Variants in KCNIP4 observed in about 807,000 individuals in gnomAD.
The protein encoded by KCNIP4 is potassium voltage-gated channel interacting protein 4.
A neutral mutation model predicts 34.0 loss-of-function variants in KCNIP4; 12 were observed. The ratio of observed to expected loss-of-function variants is 0.35; its 90% CI spans 0.23 to 0.57. The LOEUF (loss-of-function observed/expected upper bound fraction) is 0.57. Ranked by LOEUF, KCNIP4 falls within the 20% of genes least tolerant of loss-of-function variation. The pLI is 0.83. For missense variants in KCNIP4, 238 were observed against 311.7 expected (o/e 0.76, Z 1.78); for synonymous variants, 124 against 102.2 (o/e 1.21, Z -1.29).
At chr4:21,610,913 C>T (rs1744108856) in intron 1 of KCNIP4, among the ~76,000 whole-genome samples, 1 of 152,000 alleles carries the variant, frequency 6.6e-6, no homozygotes, top group Non-Finnish European at 1.5e-5. Context: ...TGATTTGCTG[C>T]ACCCATCAAC....
chr4:21,005,400 G>A (rs1738470177), intron 1 of KCNIP4, among the ~76,000 whole-genome samples: 1 of 152,118 alleles, frequency 6.6e-6, no homozygotes. Flanking sequence ...AGTAATCATT[G>A]GGGCCTTCTC....
chr4:21,129,209 C>T (rs1160111812), intron 1 of KCNIP4, among the ~76,000 whole-genome samples: 2 of 152,232 alleles, frequency 1.3e-5, no homozygotes, highest in Non-Finnish European at 2.9e-5. Context: ...TTTGCTCCTC[C>T]TTTGCCTTCC....
At chr4:21,607,002 C>T (rs1743743132) in intron 1 of KCNIP4, among the ~76,000 whole-genome samples, 1 of 151,932 alleles carries the variant, frequency 6.6e-6, no homozygotes, top group African/African-American at 2.4e-5. Flanking sequence ...GAAAATCTGC[C>T]TATCTTAATG....
intron 1 of KCNIP4, among the ~76,000 whole-genome samples, chr4:21,212,347 C>T (rs1757274790): frequency 6.6e-6 from 1 of 152,132 alleles, no homozygotes. Flanking sequence ...CATTTGCACT[C>T]AAAAAGATTA....
intron 1 of KCNIP4, among the ~76,000 whole-genome samples, chr4:20,897,282 A>G (rs768919782): frequency 1.3e-5 from 2 of 151,570 alleles, no homozygotes; most frequent in Non-Finnish European, 2.9e-5. Context: ...TTTTCCTCTA[A>G]TTTCTTTCCT....
At chr4:21,842,962 A>C (rs959904820) in intron 1 of KCNIP4, among the ~76,000 whole-genome samples, 12 of 152,116 alleles carry the variant, frequency 7.9e-5, no homozygotes, top group African/African-American at 2.9e-4. Flanking sequence ...GTATATGGCA[A>C]ATAATAAGTG....
chr4:21,923,414 T>A (rs994773371), intron 1 of KCNIP4, among the ~76,000 whole-genome samples: 2 of 152,112 alleles, frequency 1.3e-5, no homozygotes, highest in Non-Finnish European at 2.9e-5. Context: ...AAACCCTGTC[T>A]CTATTAAAAA....
At chr4:21,884,211 G>A (rs1403199497) in intron 1 of KCNIP4, among the ~76,000 whole-genome samples, 8 of 152,050 alleles carry the variant, frequency 5.3e-5, no homozygotes, top group Non-Finnish European at 1.0e-4. Flanking sequence ...ATTTGCTGGC[G>A]GCATAATGGC....
rs1175777452 is a variant in KCNIP4 at position 21,354,475 on chromosome 4, C to CA, written c.62-471767dup. On this transcript the variant is annotated intron_variant, in intron 1 of 8. Transcript: ENST00000382152. ...GAAGACCTACCAAGCAAATAGAAAG[C>CA]AAAAAAAGCATGGGTTGTAATCCTA... Among the ~76,000 whole-genome samples the CA allele has an allele frequency of 6.6e-5, 10 of 150,448 alleles. 1 individual carries two copies. Among genetic ancestry groups the CA allele is most frequent in the Non-Finnish European group, 1.3e-4 (9 of 67,634 alleles).
At chr4:20,906,106 T>C (rs891332321) in intron 1 of KCNIP4, among the ~76,000 whole-genome samples, 4 of 150,186 alleles carry the variant, frequency 2.7e-5, no homozygotes, top group African/African-American at 9.9e-5. Context: ...TTCTCTCTTT[T>C]TCTCTCTTTC....
intron 1 of KCNIP4, among the ~76,000 whole-genome samples, chr4:21,274,049 CA>C (rs1460773144): frequency 6.6e-6 from 1 of 152,188 alleles, no homozygotes; most frequent in African/African-American, 2.4e-5. Context: ...GGTCTGCTTG[CA>C]GGTCTCATAT....
chr4:20,867,115 T>C (rs1450416691), intron 2 of KCNIP4, among the ~76,000 whole-genome samples: 1 of 152,008 alleles, frequency 6.6e-6, no homozygotes, highest in African/African-American at 2.4e-5. Context: ...ACTATTCTAG[T>C]CAAACTACTA....
intron 1 of KCNIP4, among the ~76,000 whole-genome samples, chr4:21,919,950 A>C (rs751562323): frequency 3.3e-5 from 5 of 152,224 alleles, no homozygotes; most frequent in Non-Finnish European, 2.9e-5. Context: ...TATAGTTAAA[A>C]AAAGGTCTAA....
chr4:21,711,770 C>A (rs186653895), intron 1 of KCNIP4, among the ~76,000 whole-genome samples: 1 of 152,274 alleles, frequency 6.6e-6, no homozygotes, highest in Non-Finnish European at 1.5e-5. Context: ...TTTCCCTGAG[C>A]AGTTCCAGGA....
At chr4:21,240,294 C>A (rs1296756183) in intron 1 of KCNIP4, among the ~76,000 whole-genome samples, 1 of 149,506 alleles carries the variant, frequency 6.7e-6, no homozygotes, top group African/African-American at 2.5e-5. Flanking sequence ...TCAATGGGTG[C>A]AGCACACCAA....
intron 1 of KCNIP4, among the ~76,000 whole-genome samples, chr4:21,496,581 T>C (rs1174217401): frequency 2.6e-5 from 4 of 152,110 alleles, no homozygotes; most frequent in Non-Finnish European, 5.9e-5. Flanking sequence ...ACTTCAATCG[T>C]TTCTCTCCCA....
At chr4:21,504,354 G>C (rs2109898965) in intron 1 of KCNIP4, among the ~76,000 whole-genome samples, 1 of 151,796 alleles carries the variant, frequency 6.6e-6, no homozygotes, top group East Asian at 2.0e-4. Context: ...TGTAATCCCA[G>C]CTACTGGGGG....
chr4:21,552,046 A>C (rs1340613974), intron 1 of KCNIP4, among the ~76,000 whole-genome samples: 5 of 127,164 alleles, frequency 3.9e-5, no homozygotes, highest in South Asian at 6.6e-4. Flanking sequence ...TTTAAAAAAA[A>C]AAAAAACAAA....
intron 1 of KCNIP4, among the ~76,000 whole-genome samples, chr4:21,787,559 A>C (rs1425724782): frequency 1.3e-5 from 2 of 152,342 alleles, no homozygotes; most frequent in African/African-American, 2.4e-5. Context: ...CTAATTTTAC[A>C]TATAAGAAGC....
Sources: allele counts gnomAD v4.1 joint callset (sites outside exome capture counted in the v4.1 genomes callset), GRCh38; gene constraint gnomAD v4.1.1; transcripts MANE v1.5; gene names NCBI Gene and HGNC (gene_info 2026-07-23, HGNC 2026-07-21).